The following NKAIN2 variants were observed in gnomAD, a reference collection of about 807,000 sequenced individuals.
NKAIN2 encodes the protein sodium/potassium transporting ATPase interacting 2, also known as sodium/potassium-transporting ATPase subunit beta-1-interacting protein 2.
Under a neutral mutation model 32.6 loss-of-function variants are expected in NKAIN2, and 14 were observed. The ratio of observed to expected loss-of-function variants is 0.43; its 90% confidence interval spans 0.28 to 0.67. NKAIN2 has a LOEUF of 0.67. Among genes scored for constraint, NKAIN2 ranks in the 30% least tolerant of loss-of-function variants. The probability of loss-of-function intolerance (pLI) is 0.17; values close to 1 mark genes in which losing one functional copy is unlikely to be tolerated. For missense variants in NKAIN2, 198 were observed against 258.3 expected, an observed-to-expected ratio of 0.77 and a Z score of 1.60; for synonymous variants, 80 against 87.2, an observed-to-expected ratio of 0.92 and a Z score of 0.46.
intron 4 of NKAIN2, among the ~76,000 whole-genome samples, chr6:124,706,771 A>G (rs1292652928): frequency 6.6e-6 from 1 of 152,178 alleles, no homozygotes; most frequent in East Asian, 1.9e-4. Context: ...TGACTGTCCA[A>G]CTGAAAAACT....
intron 3 of NKAIN2, among the ~76,000 whole-genome samples, chr6:124,640,463 C>A (rs1449807247): frequency 1.3e-5 from 2 of 152,066 alleles, no homozygotes; most frequent in Non-Finnish European, 2.9e-5. Context: ...ATGCAGCTAA[C>A]TTTTCAAAGC....
At chr6:124,590,192 C>A (rs547468024) in intron 3 of NKAIN2, among the ~76,000 whole-genome samples, 55 of 152,254 alleles carry the variant, frequency 3.6e-4, no homozygotes, top group African/African-American at 1.3e-3. Flanking sequence ...TTCCCTTAGG[C>A]CCTAAGGCCG....
intron 3 of NKAIN2, among the ~76,000 whole-genome samples, chr6:124,461,754 A>G (rs1419603209): frequency 6.6e-6 from 1 of 151,850 alleles, no homozygotes; most frequent in Non-Finnish European, 1.5e-5. Context: ...TCTCTAAAAT[A>G]TTTTACCAGT....
intron 1 of NKAIN2, among the ~76,000 whole-genome samples, chr6:123,957,710 T>C (rs1777659840): frequency 6.6e-6 from 1 of 152,234 alleles, no homozygotes; most frequent in African/African-American, 2.4e-5. Flanking sequence ...TACTTTCTGC[T>C]ATAATTTATT....
At chr6:124,195,977 A>G (rs1023884198) in intron 1 of NKAIN2, among the ~76,000 whole-genome samples, 4 of 152,116 alleles carry the variant, frequency 2.6e-5, no homozygotes, top group African/African-American at 7.2e-5. Flanking sequence ...ACATTTAAAA[A>G]AATTTGTACT....
At chr6:124,115,643 A>C (rs1785573562) in intron 1 of NKAIN2, among the ~76,000 whole-genome samples, 1 of 152,126 alleles carries the variant, frequency 6.6e-6, no homozygotes, top group African/African-American at 2.4e-5. Flanking sequence ...TCAGCAATGT[A>C]ATCCTTAAAA....
chr6:124,616,735 T>C (rs1474952806), intron 3 of NKAIN2, among the ~76,000 whole-genome samples: 1 of 151,980 alleles, frequency 6.6e-6, no homozygotes, highest in Non-Finnish European at 1.5e-5. Flanking sequence ...AATGTTCTTA[T>C]TATTTCTATA....
chr6:124,742,418 G>T (rs1777258316), intron 4 of NKAIN2, among the ~76,000 whole-genome samples: 1 of 151,532 alleles, frequency 6.6e-6, no homozygotes, highest in African/African-American at 2.4e-5. Flanking sequence ...GTTTCTTAGG[G>T]CTTTGGACTC....
At chr6:123,957,847 C>A (rs998038677) in intron 1 of NKAIN2, among the ~76,000 whole-genome samples, 1 of 152,000 alleles carries the variant, frequency 6.6e-6, no homozygotes, top group Non-Finnish European at 1.5e-5. Context: ...AATTAAATTT[C>A]TTTTTTACAT....
At chr6:124,667,109 T>G (rs1288482767) in intron 4 of NKAIN2, among the ~76,000 whole-genome samples, 2 of 152,136 alleles carry the variant, frequency 1.3e-5, no homozygotes, top group African/African-American at 4.8e-5. Context: ...AGTTCACCAC[T>G]ATCCTACACA....
At chr6:124,671,847 G>T (rs1462114070) in intron 4 of NKAIN2, among the ~76,000 whole-genome samples, 1 of 151,924 alleles carries the variant, frequency 6.6e-6, no homozygotes, top group East Asian at 1.9e-4. Flanking sequence ...TTCTAGGTGA[G>T]CTGGGATAAA....
intron 1 of NKAIN2, among the ~76,000 whole-genome samples, chr6:123,860,626 T>C (rs1285705851): frequency 6.6e-6 from 1 of 152,128 alleles, no homozygotes; most frequent in Non-Finnish European, 1.5e-5. Flanking sequence ...GCCCAGGCTG[T>C]CCTGAAACTC....
chr6:123,911,818 C>T (rs62435595), intron 1 of NKAIN2, among the ~76,000 whole-genome samples: 21,642 of 81,236 alleles, frequency 0.27, 4,207 homozygotes, highest in East Asian at 0.43. Flanking sequence ...TATATACACA[C>T]ACACACACAC....
chr6:124,674,695 G>A (rs74612615), intron 4 of NKAIN2, among the ~76,000 whole-genome samples: 9,165 of 151,820 alleles, frequency 0.06, 388 homozygotes, highest in African/African-American at 0.12. Context: ...TGATTTTTTT[G>A]TGTTGCTTTA....
rs1208528902 is a variant in NKAIN2, at chr6:124,791,361, G to C, written c.497G>C (p.Cys166Ser). The C allele has an allele frequency of 9.9e-6, 16 of 1,610,096 alleles. No homozygotes were observed. Among genetic ancestry groups the C allele is most frequent in the Non-Finnish European group, 1.4e-5 (16 of 1,177,122 alleles). Residue 166 changes from cysteine to serine, a missense_variant, in exon 5 of 7, where the codon TGT becomes TCT. Transcript: ENST00000368417. ...CAGCTGGCAGGTTTCATCTACGCCT[G>C]TTATGTTGTGAAATGTATAACTGAA... is the stretch of plus-strand genomic sequence containing the variant. ...VLALAGFIYA[C>S]YVVKCITEEE...
chr6:123,825,516 C>G (rs993198023), intron 1 of NKAIN2, among the ~76,000 whole-genome samples: 17 of 152,056 alleles, frequency 1.1e-4, no homozygotes, highest in African/African-American at 4.1e-4. Context: ...CTACCTCACC[C>G]AGCCCCACAT....
At chr6:124,066,537 A>G (rs1326892840) in intron 1 of NKAIN2, among the ~76,000 whole-genome samples, 2 of 152,202 alleles carry the variant, frequency 1.3e-5, no homozygotes, top group East Asian at 1.9e-4. Context: ...CATAGCTCAT[A>G]TATGCATATG....
At chr6:124,194,121 A>G (rs113218148) in intron 1 of NKAIN2, among the ~76,000 whole-genome samples, 2 of 151,856 alleles carry the variant, frequency 1.3e-5, no homozygotes, top group South Asian at 4.2e-4. Context: ...TGGGCCCAGA[A>G]AAAGCACCAC....
chr6:124,296,796 T>C (rs913760826), intron 2 of NKAIN2, among the ~76,000 whole-genome samples: 1 of 152,194 alleles, frequency 6.6e-6, no homozygotes, highest in Admixed American at 6.5e-5. Context: ...AGGAATTGTT[T>C]AGGATAAAAG....
Sources: gnomAD v4.1 joint callset for allele counts (sites outside exome capture counted in the v4.1 genomes callset) on GRCh38, gnomAD v4.1.1 for gene constraint, MANE v1.5 for transcripts, NCBI Gene and HGNC (gene_info 2026-07-23, HGNC 2026-07-21) for gene names.